The following KCNMA1 variants were observed in gnomAD, a reference collection of about 807,000 sequenced individuals.
KCNMA1 encodes potassium calcium-activated channel subfamily M alpha 1, also known as Calcium-activated potassium channel subunit alpha-1.
Under a neutral mutation model 140.0 loss-of-function variants are expected in KCNMA1, and 29 were observed. That is an observed-to-expected ratio of 0.21 (90% CI 0.15 to 0.28). The LOEUF is 0.28. Ranked by LOEUF, KCNMA1 falls within the 10% of genes least tolerant of loss-of-function variation. KCNMA1 has a pLI of 1.00. For missense variants in KCNMA1, 880 were observed against 1,602.2 expected, an observed-to-expected ratio of 0.55 and a Z score of 7.70; for synonymous variants, 612 against 611.9, an observed-to-expected ratio of 1.00 and a Z score of 0.00.
chr10:77,287,702 G>A (rs1447579528), intron 2 of KCNMA1, among the ~76,000 whole-genome samples: 1 of 152,194 alleles, frequency 6.6e-6, no homozygotes, highest in African/African-American at 2.4e-5. Flanking sequence ...GGGATGGGGA[G>A]TGCTGAGCAC....
At chr10:77,265,159 C>T (rs2063091992) in intron 2 of KCNMA1, among the ~76,000 whole-genome samples, 1 of 151,404 alleles carries the variant, frequency 6.6e-6, no homozygotes, top group South Asian at 2.1e-4. Flanking sequence ...TCAAGTGATT[C>T]TCCTGTCTCA....
At chr10:77,529,854 C>T (rs1193329427) in intron 1 of KCNMA1, among the ~76,000 whole-genome samples, 3 of 152,244 alleles carry the variant, frequency 2.0e-5, no homozygotes, top group African/African-American at 4.8e-5. Context: ...TTGGAGTGGA[C>T]AGCCTGGCCT....
chr10:77,512,593 A>G (rs2048787276), intron 1 of KCNMA1, among the ~76,000 whole-genome samples: 1 of 152,208 alleles, frequency 6.6e-6, no homozygotes, highest in Admixed American at 6.5e-5. Flanking sequence ...AGATAAGGGC[A>G]TCTACTGTAT....
intron 14 of KCNMA1, among the ~76,000 whole-genome samples, chr10:77,051,435 C>G (rs923036515): frequency 2.6e-5 from 4 of 152,124 alleles, no homozygotes; most frequent in African/African-American, 9.7e-5. Flanking sequence ...GGCAGAAGCG[C>G]CAGCTTTATT....
At chr10:77,137,597 CA>C (rs1206100893) in intron 5 of KCNMA1, among the ~76,000 whole-genome samples, 1 of 152,136 alleles carries the variant, frequency 6.6e-6, no homozygotes, top group Non-Finnish European at 1.5e-5. Flanking sequence ...TTCTTAGCCC[CA>C]GCACAGAGTG....
At chr10:77,386,295 C>T (rs935151346) in intron 2 of KCNMA1, among the ~76,000 whole-genome samples, 4 of 152,212 alleles carry the variant, frequency 2.6e-5, no homozygotes, top group Admixed American at 6.5e-5. Context: ...CCAAGTACAA[C>T]GAACCATAGT....
At chr10:77,567,340 G>A (rs908844139) in intron 1 of KCNMA1, among the ~76,000 whole-genome samples, 2 of 152,206 alleles carry the variant, frequency 1.3e-5, no homozygotes, top group African/African-American at 4.8e-5. Flanking sequence ...GGAGAGGCAC[G>A]GCCAGAGCCT....
At chr10:76,967,824 G>A (rs2074533410) in intron 20 of KCNMA1, among the ~76,000 whole-genome samples, 1 of 152,112 alleles carries the variant, frequency 6.6e-6, no homozygotes, top group African/African-American at 2.4e-5. Flanking sequence ...CCTGACCCAC[G>A]TTTAGCAATT....
intron 3 of KCNMA1, among the ~76,000 whole-genome samples, chr10:77,197,285 C>A (rs760493767): frequency 6.6e-6 from 1 of 152,142 alleles, no homozygotes; most frequent in Non-Finnish European, 1.5e-5. Context: ...TAAGCAAAAT[C>A]AAATCAGGTA....
At chr10:77,051,042 T>C (rs757918288) in intron 14 of KCNMA1, among the ~76,000 whole-genome samples, 7 of 152,180 alleles carry the variant, frequency 4.6e-5, no homozygotes, top group African/African-American at 7.2e-5. Flanking sequence ...GTGGGTTGTG[T>C]AGATACAGAA....
chr10:77,203,608 T>G (rs1190519847), intron 3 of KCNMA1, among the ~76,000 whole-genome samples: 1 of 152,192 alleles, frequency 6.6e-6, no homozygotes, highest in Non-Finnish European at 1.5e-5. Context: ...GTTTTGTGTC[T>G]GGGTTCCCAT....
At chr10:77,451,206 C>A (rs567346408) in intron 1 of KCNMA1, among the ~76,000 whole-genome samples, 1 of 152,294 alleles carries the variant, frequency 6.6e-6, no homozygotes, top group Non-Finnish European at 1.5e-5. Context: ...CAGCCCTGGA[C>A]CCCTGAGATA....
chr10:76,907,143 T>C (rs1259200097), intron 25 of KCNMA1, among the ~76,000 whole-genome samples: 1 of 152,226 alleles, frequency 6.6e-6, no homozygotes, highest in Non-Finnish European at 1.5e-5. Context: ...AGATTCCTGA[T>C]ACCCTTTTAT....
At chr10:77,248,455 GT>G (rs1181534969) in intron 3 of KCNMA1, among the ~76,000 whole-genome samples, 1 of 152,162 alleles carries the variant, frequency 6.6e-6, no homozygotes, top group African/African-American at 2.4e-5. Flanking sequence ...CCTATAGACT[GT>G]CCCCTGATTC....
chr10:77,618,811 C>G (rs991463474), intron 1 of KCNMA1, among the ~76,000 whole-genome samples: 44 of 152,294 alleles, frequency 2.9e-4, no homozygotes, highest in African/African-American at 1.0e-3. Context: ...GAACACCGTA[C>G]ATAGGGACTT....
chr10:76,989,417 G>A (rs1459561310), intron 19 of KCNMA1, among the ~76,000 whole-genome samples: 1 of 152,130 alleles, frequency 6.6e-6, no homozygotes, highest in African/African-American at 2.4e-5. Flanking sequence ...CAGCATTTTA[G>A]AAGGATTTAT....
intron 17 of KCNMA1, among the ~76,000 whole-genome samples, chr10:77,016,748 C>T (rs1158973670): frequency 6.6e-6 from 1 of 152,082 alleles, no homozygotes; most frequent in Non-Finnish European, 1.5e-5. Context: ...CCCAAATGCC[C>T]ATCCTCAAGT....
At chr10:77,294,193 A>G (rs2074249870) in intron 2 of KCNMA1, among the ~76,000 whole-genome samples, 2 of 152,242 alleles carry the variant, frequency 1.3e-5, no homozygotes, top group Admixed American at 1.3e-4. Context: ...TTTAATGAAT[A>G]GCCTTTCTAG....
chr10:76,956,252 G>T (rs1401550071), intron 20 of KCNMA1, among the ~76,000 whole-genome samples: 1 of 152,066 alleles, frequency 6.6e-6, no homozygotes, highest in Non-Finnish European at 1.5e-5. Context: ...AAAGAAAAAA[G>T]ACAGCTAATG....
Sources: gnomAD v4.1 joint callset for allele counts (sites outside exome capture counted in the v4.1 genomes callset) on GRCh38, gnomAD v4.1.1 for gene constraint, MANE v1.5 for transcripts, NCBI Gene and HGNC (gene_info 2026-07-23, HGNC 2026-07-21) for gene names.